The following CADM2 variants were observed in gnomAD, a reference collection of about 807,000 sequenced individuals.
The protein encoded by CADM2 is cell adhesion molecule 2.
Under a neutral mutation model 49.8 loss-of-function variants are expected in CADM2, and 12 were observed. That is an observed-to-expected ratio of 0.24 (90% CI 0.15 to 0.39). CADM2 has a LOEUF of 0.39. CADM2 is among the 10% of genes least tolerant of loss of function. CADM2 has a pLI of 1.00. For missense variants in CADM2, 378 were observed against 492.3 expected (o/e 0.77, Z 2.20); for synonymous variants, 214 against 175.4 (o/e 1.22, Z -1.74).
chr3:85,629,869 A>T (rs2064252439), intron 1 of CADM2, among the ~76,000 whole-genome samples: 1 of 151,962 alleles, frequency 6.6e-6, no homozygotes, highest in African/African-American at 2.4e-5. Flanking sequence ...AAACTTCTCA[A>T]TTTTTTCATG....
intron 1 of CADM2, among the ~76,000 whole-genome samples, chr3:85,652,772 C>CTTTTTTTTTTTTTTTTAT (rs2065085188): frequency 2.0e-5 from 1 of 50,782 alleles, no homozygotes; most frequent in Non-Finnish European, 3.5e-5. Context: ...TTTTTCTTTT[C>CTTTTTTTTTTTTTTTTAT]TTTTTTTTTT....
At chr3:85,486,062 G>A (rs2039400944) in intron 1 of CADM2, among the ~76,000 whole-genome samples, 1 of 152,032 alleles carries the variant, frequency 6.6e-6, no homozygotes, top group Non-Finnish European at 1.5e-5. Flanking sequence ...GTCACAGCAG[G>A]AAACTTATTC....
chr3:85,675,919 C>T (rs9871618), intron 1 of CADM2, among the ~76,000 whole-genome samples: 107,858 of 152,098 alleles, frequency 0.71, 38,522 homozygotes, highest in African/African-American at 0.77. Context: ...CATTGGAAAA[C>T]AAAATAAAAC....
chr3:86,017,576 A>G (rs1253145294), intron 8 of CADM2, among the ~76,000 whole-genome samples: 1 of 151,900 alleles, frequency 6.6e-6, no homozygotes, highest in Non-Finnish European at 1.5e-5. Flanking sequence ...AAAAACTGCA[A>G]AAATTAGCCG....
chr3:85,596,456 A>C (rs2063243061), intron 1 of CADM2, among the ~76,000 whole-genome samples: 2 of 152,144 alleles, frequency 1.3e-5, no homozygotes, highest in Admixed American at 1.3e-4. Context: ...AAAAGTTAAC[A>C]GCTTTATTGA....
chr3:85,831,940 A>G (rs1487546670), intron 3 of CADM2, among the ~76,000 whole-genome samples: 2 of 151,906 alleles, frequency 1.3e-5, no homozygotes, highest in Non-Finnish European at 2.9e-5. Context: ...TTCTTCTAGA[A>G]TTTTTATAGT....
chr3:85,873,132 G>A (rs1230811060), intron 3 of CADM2, among the ~76,000 whole-genome samples: 2 of 152,158 alleles, frequency 1.3e-5, no homozygotes, highest in Non-Finnish European at 2.9e-5. Context: ...CCATAAGGAA[G>A]AGCCCTCATG....
intron 1 of CADM2, among the ~76,000 whole-genome samples, chr3:85,536,064 C>T (rs957698305): frequency 2.6e-5 from 4 of 152,074 alleles, no homozygotes; most frequent in Non-Finnish European, 4.4e-5. Flanking sequence ...AGGGGATTCA[C>T]AGACCAGTAG....
At chr3:85,875,539 T>G (rs931820553) in intron 3 of CADM2, among the ~76,000 whole-genome samples, 3 of 152,176 alleles carry the variant, frequency 2.0e-5, no homozygotes, top group Non-Finnish European at 2.9e-5. Context: ...ATCTAAGTAG[T>G]AGAAAAATTA....
At chr3:85,024,570 G>A (rs1220554587) in intron 1 of CADM2, among the ~76,000 whole-genome samples, 2 of 151,660 alleles carry the variant, frequency 1.3e-5, no homozygotes, top group African/African-American at 4.8e-5. Flanking sequence ...CTTTATCCAC[G>A]TAACAAAACA....
intron 1 of CADM2, among the ~76,000 whole-genome samples, chr3:85,146,775 T>G (rs1452125): frequency 0.69 from 104,786 of 152,010 alleles, 37,284 homozygotes; most frequent in African/African-American, 0.87. Context: ...GTGAATTTAA[T>G]GCATTATTTC....
intron 1 of CADM2, among the ~76,000 whole-genome samples, chr3:85,626,053 G>A (rs2064122865): frequency 2.6e-5 from 4 of 151,890 alleles, no homozygotes; most frequent in Admixed American, 2.6e-4. Flanking sequence ...GTTTTAGTAA[G>A]AATTAATATT....
intron 1 of CADM2, among the ~76,000 whole-genome samples, chr3:85,605,627 A>T (rs1220261102): frequency 6.6e-6 from 1 of 152,076 alleles, no homozygotes; most frequent in Non-Finnish European, 1.5e-5. Context: ...ATGAAGAAAC[A>T]GTTGGCTTGT....
At chr3:85,419,282 C>T (rs1389625224) in intron 1 of CADM2, among the ~76,000 whole-genome samples, 2 of 135,764 alleles carry the variant, frequency 1.5e-5, no homozygotes, top group African/African-American at 2.6e-5. Context: ...GTTGAAACCC[C>T]GTCTCTACTA....
chr3:85,761,367 C>CATTT (rs1435295947), intron 2 of CADM2, among the ~76,000 whole-genome samples: 1 of 101,088 alleles, frequency 9.9e-6, no homozygotes, highest in Non-Finnish European at 1.8e-5. Context: ...CAACACAAAA[C>CATTT]TTTTTTTTTT....
At chr3:85,827,505 T>C (rs551768979) in intron 3 of CADM2, among the ~76,000 whole-genome samples, 1 of 151,974 alleles carries the variant, frequency 6.6e-6, no homozygotes, top group Non-Finnish European at 1.5e-5. Flanking sequence ...CTTTAGAAAT[T>C]CAAGTGATTC....
In CADM2 at chr3:85,696,797, G is replaced by A. The variant is rs922635360; in HGVS notation, c.62-29725G>A. On this transcript the variant is annotated intron_variant, in intron 1 of 9. Transcript: ENST00000383699. ...ATAGATAAGAATTACAACATTTTGT[G>A]TCTGTTAGTATTGGGCTACAGTGTC... Among the ~76,000 whole-genome samples the A allele has an allele frequency of 3.9e-5, 6 of 151,928 alleles. No individual in the cohort carries two copies. The South Asian group carries it at 1.2e-3, about 31-fold the overall frequency.
chr3:85,035,989 C>T (rs2035195181), intron 1 of CADM2, among the ~76,000 whole-genome samples: 1 of 152,146 alleles, frequency 6.6e-6, no homozygotes, highest in East Asian at 1.9e-4. Flanking sequence ...TAAGCATTCT[C>T]CTTCATAGTT....
intron 2 of CADM2, among the ~76,000 whole-genome samples, chr3:85,731,533 T>C (rs2067928988): frequency 6.6e-6 from 1 of 152,156 alleles, no homozygotes. Context: ...ATTTAAATTA[T>C]ATCTGTGGGA....
Sources: gnomAD v4.1 joint callset for allele counts (sites outside exome capture counted in the v4.1 genomes callset) on GRCh38, gnomAD v4.1.1 for gene constraint, MANE v1.5 for transcripts, NCBI Gene and HGNC (gene_info 2026-07-23, HGNC 2026-07-21) for gene names.